DACH1: variants seen among roughly 807,000 people sequenced by gnomAD.
The protein encoded by DACH1 is dachshund homolog 1.
DACH1 carries 12 observed loss-of-function variants against 54.2 expected under a neutral mutation model. The ratio of observed to expected loss-of-function variants is 0.22; its 90% CI spans 0.14 to 0.36. The LOEUF is 0.36. Ranked by LOEUF, DACH1 falls within the 10% of genes least tolerant of loss-of-function variation. The probability of loss-of-function intolerance (pLI) is 1.00; values close to 1 mark genes in which losing one functional copy is unlikely to be tolerated. For synonymous variants in DACH1, 386 were observed against 366.2 expected, an observed-to-expected ratio of 1.05 and a Z score of -0.62; for missense variants, 805 against 929.8, an observed-to-expected ratio of 0.87 and a Z score of 1.75.
chr13:71,847,899 T>C (rs746515010), intron 1 of DACH1, among the ~76,000 whole-genome samples: 3 of 152,348 alleles, frequency 2.0e-5, no homozygotes, highest in Non-Finnish European at 4.4e-5. Context: ...CACCAAGTTT[T>C]TGCTAAATGG....
At chr13:71,649,826 C>T (rs1307700641) in intron 2 of DACH1, among the ~76,000 whole-genome samples, 7 of 152,074 alleles carry the variant, frequency 4.6e-5, no homozygotes, top group African/African-American at 1.2e-4. Flanking sequence ...TAAATGGATA[C>T]GAGCAACACG....
intron 3 of DACH1, among the ~76,000 whole-genome samples, chr13:71,581,725 A>G (rs1274934056): frequency 3.3e-5 from 5 of 152,178 alleles, no homozygotes; most frequent in Admixed American, 2.6e-4. Flanking sequence ...ATTGTTGTAT[A>G]GTGGCATTAT....
At chr13:71,822,705 G>A (rs1310902704) in intron 1 of DACH1, among the ~76,000 whole-genome samples, 1 of 152,160 alleles carries the variant, frequency 6.6e-6, no homozygotes, top group Non-Finnish European at 1.5e-5. Context: ...CATAGTTTAA[G>A]GGGAAGGTTA....
At chr13:71,783,087 A>G (rs1173215169) in intron 1 of DACH1, among the ~76,000 whole-genome samples, 1 of 152,226 alleles carries the variant, frequency 6.6e-6, no homozygotes, top group Admixed American at 6.5e-5. Context: ...TCAAAAGACC[A>G]GTCAGTGGCT....
chr13:71,660,813 A>G (rs1879436539), intron 2 of DACH1, among the ~76,000 whole-genome samples: 1 of 151,766 alleles, frequency 6.6e-6, no homozygotes, highest in South Asian at 2.1e-4. Flanking sequence ...TAAAACAGAA[A>G]TTACCACTAA....
chr13:71,710,359 G>C (rs1443372035), intron 1 of DACH1, among the ~76,000 whole-genome samples: 1 of 151,980 alleles, frequency 6.6e-6, no homozygotes, highest in African/African-American at 2.4e-5. Flanking sequence ...TTGGACCATT[G>C]AGAGGGATGC....
chr13:71,454,236 T>C (rs1042923939), intron 10 of DACH1, among the ~76,000 whole-genome samples: 4 of 152,190 alleles, frequency 2.6e-5, no homozygotes, highest in Non-Finnish European at 5.9e-5. Context: ...GATATATTCC[T>C]GAATCCATTA....
At chr13:71,624,111 A>C (rs925417855) in intron 3 of DACH1, among the ~76,000 whole-genome samples, 1 of 151,958 alleles carries the variant, frequency 6.6e-6, no homozygotes, top group African/African-American at 2.4e-5. Flanking sequence ...AATGCATTTA[A>C]ATTGATGGAA....
chr13:71,532,148 C>G (rs191575657), intron 6 of DACH1, among the ~76,000 whole-genome samples: 42 of 152,006 alleles, frequency 2.8e-4, no homozygotes, highest in African/African-American at 9.6e-4. Context: ...ATTATGGACA[C>G]TTGTTACATC....
At chr13:71,449,578 G>A (rs1722240549) in intron 10 of DACH1, among the ~76,000 whole-genome samples, 1 of 151,900 alleles carries the variant, frequency 6.6e-6, no homozygotes, top group African/African-American at 2.4e-5. Flanking sequence ...AATGCATGCA[G>A]GGCTTAAAAC....
chr13:71,514,525 T>C (rs1881016149), intron 6 of DACH1, among the ~76,000 whole-genome samples: 1 of 151,878 alleles, frequency 6.6e-6, no homozygotes, highest in African/African-American at 2.4e-5. Context: ...TTCAAGTTCA[T>C]TCAGTTGATA....
intron 6 of DACH1, among the ~76,000 whole-genome samples, chr13:71,545,662 A>AT (rs1299702203): frequency 6.6e-6 from 1 of 151,990 alleles, no homozygotes; most frequent in East Asian, 1.9e-4. Context: ...TTCTGAAAGT[A>AT]TTTTTTATTG....
intron 1 of DACH1, among the ~76,000 whole-genome samples, chr13:71,793,140 C>T (rs533377915): frequency 6.6e-6 from 1 of 152,108 alleles, no homozygotes; most frequent in East Asian, 1.9e-4. Context: ...TTAACTTGTT[C>T]CAAAAGTAGC....
chr13:71,569,625 C>A (rs1227977938), intron 4 of DACH1, among the ~76,000 whole-genome samples: 2 of 152,084 alleles, frequency 1.3e-5, no homozygotes, highest in African/African-American at 4.8e-5. Context: ...AATGAAAAAA[C>A]TTTTGGAGCT....
chr13:71,667,368 T>C (rs1351618226), intron 2 of DACH1, among the ~76,000 whole-genome samples: 1 of 152,174 alleles, frequency 6.6e-6, no homozygotes, highest in Non-Finnish European at 1.5e-5. Context: ...AGTCAACATA[T>C]TCAAGGTAAA....
At chr13:71,766,493 C>T (rs1025911558) in intron 1 of DACH1, among the ~76,000 whole-genome samples, 5 of 152,154 alleles carry the variant, frequency 3.3e-5, no homozygotes, top group African/African-American at 1.2e-4. Flanking sequence ...AATGTAACCT[C>T]CATTAGCCCT....
At chr13:71,621,666 C>T (rs1458071491) in intron 3 of DACH1, among the ~76,000 whole-genome samples, 2 of 152,008 alleles carry the variant, frequency 1.3e-5, no homozygotes, top group East Asian at 3.9e-4. Flanking sequence ...AATGCCATTA[C>T]CTTTCATCAG....
intron 10 of DACH1, among the ~76,000 whole-genome samples, chr13:71,464,988 A>G (rs1434188630): frequency 2.0e-5 from 3 of 152,098 alleles, no homozygotes; most frequent in Non-Finnish European, 4.4e-5. Context: ...CACAAGACAA[A>G]TAGAAATAAT....
At chr13:71,704,395 C>T in intron 1 of DACH1, 1 of 416,872 alleles carries the variant, frequency 2.4e-6, no homozygotes, top group Admixed American at 2.6e-5. Context: ...ATGCTGTTGA[C>T]ATTGTTTTAA....
Sources: allele counts gnomAD v4.1 joint callset (sites outside exome capture counted in the v4.1 genomes callset), GRCh38; gene constraint gnomAD v4.1.1; transcripts MANE v1.5; gene names NCBI Gene and HGNC (gene_info 2026-07-23, HGNC 2026-07-21).